The following STK32A variants were observed in gnomAD, a reference collection of about 807,000 sequenced individuals.
The protein encoded by STK32A is serine/threonine-protein kinase 32A.
A neutral mutation model predicts 53.2 loss-of-function variants in STK32A; 41 were observed. That is an observed-to-expected ratio of 0.77 (90% CI 0.60 to 1.00). The LOEUF is 1.00. Ranked by LOEUF, STK32A falls within the 50% of genes least tolerant of loss-of-function variation. The pLI, the probability that STK32A is intolerant of heterozygous loss-of-function variation, is 0.00. For synonymous variants in STK32A, 166 were observed against 162.8 expected (o/e 1.02, Z -0.15); for missense variants, 458 against 485.8 (o/e 0.94, Z 0.54).
At chr5:147,321,777 A>G (rs1434233044) in intron 4 of STK32A, among the ~76,000 whole-genome samples, 2 of 152,352 alleles carry the variant, frequency 1.3e-5, no homozygotes, top group South Asian at 2.1e-4. Context: ...CATAGTCAAC[A>G]GCAGGGAGTG....
chr5:147,307,482 G>A (rs914357808), intron 4 of STK32A, among the ~76,000 whole-genome samples: 1 of 151,850 alleles, frequency 6.6e-6, no homozygotes. Flanking sequence ...TTAGCCGGGT[G>A]TAATGGCACA....
intron 4 of STK32A, among the ~76,000 whole-genome samples, chr5:147,314,517 C>G (rs139991378): frequency 2.4e-4 from 3 of 12,312 alleles, no homozygotes; most frequent in African/African-American, 9.3e-4. Flanking sequence ...CAAAAAAAAA[C>G]AAAAAAAAAC....
chr5:147,309,410 T>A (rs916285038), intron 4 of STK32A, among the ~76,000 whole-genome samples: 2 of 152,214 alleles, frequency 1.3e-5, no homozygotes, highest in African/African-American at 4.8e-5. Flanking sequence ...TAGGATTTTC[T>A]AAGTATCCAT....
At chr5:147,359,629 A>C (rs924000561) in intron 7 of STK32A, among the ~76,000 whole-genome samples, 2 of 152,110 alleles carry the variant, frequency 1.3e-5, no homozygotes, top group Non-Finnish European at 2.9e-5. Context: ...GGACTATCTG[A>C]TATGACTTGT....
chr5:147,257,773 G>A (rs13340343), intron 2 of STK32A, among the ~76,000 whole-genome samples: 3,104 of 152,170 alleles, frequency 0.02, 110 homozygotes, highest in African/African-American at 0.071. Flanking sequence ...TTGGTTTACC[G>A]GAAATTCTAG....
intron 8 of STK32A, among the ~76,000 whole-genome samples, chr5:147,365,380 A>T (rs1275243038): frequency 6.6e-6 from 1 of 152,126 alleles, no homozygotes; most frequent in Non-Finnish European, 1.5e-5. Context: ...ACTATTTCTT[A>T]AGTATATTCA....
At chr5:147,393,814 G>A in the STK32A span, 4 of 562,232 alleles carry the variant, frequency 7.1e-6, no homozygotes, top group Admixed American at 3.1e-5. Flanking sequence ...AATGGGGGGA[G>A]GGGAGTCAAA....
intron 1 of STK32A, 59 bp downstream of exon 1, chr5:147,235,258 G>A (rs906513278): frequency 5.3e-5 from 8 of 152,352 alleles, no homozygotes; most frequent in African/African-American, 1.9e-4. Context: ...TAAGGGTACT[G>A]TTGGGAAGCT....
At chr5:147,246,121 A>C (rs2151940225) in intron 2 of STK32A, among the ~76,000 whole-genome samples, 1 of 152,326 alleles carries the variant, frequency 6.6e-6, no homozygotes, top group East Asian at 1.9e-4. Flanking sequence ...TTTGCATTAG[A>C]ATGGTTGGAA....
intron 4 of STK32A, among the ~76,000 whole-genome samples, chr5:147,288,469 G>C (rs1007336214): frequency 6.6e-6 from 1 of 152,172 alleles, no homozygotes; most frequent in Non-Finnish European, 1.5e-5. Flanking sequence ...CTGAGACTGG[G>C]TAATTTTTAA....
At chr5:147,349,175 A>C (rs1326466434) in intron 6 of STK32A, among the ~76,000 whole-genome samples, 1 of 152,262 alleles carries the variant, frequency 6.6e-6, no homozygotes, top group Non-Finnish European at 1.5e-5. Flanking sequence ...TCCAGCAAGA[A>C]TGAGTGGCTA....
chr5:147,284,703 ACAAC>A (rs1752244502), intron 4 of STK32A, among the ~76,000 whole-genome samples: 14 of 40,076 alleles, frequency 3.5e-4, no homozygotes, highest in South Asian at 9.4e-4. Flanking sequence ...AAACAAAAAA[ACAAC>A]AAAAAAAAAA....
chr5:147,288,945 C>A (rs1752472885), intron 4 of STK32A, among the ~76,000 whole-genome samples: 1 of 152,192 alleles, frequency 6.6e-6, no homozygotes, highest in African/African-American at 2.4e-5. Context: ...CAGTACCCAG[C>A]ACATAGTAAC....
chr5:147,351,057 C>T lies in STK32A; in HGVS notation c.473-8C>T, dbSNP rs766426131. On this transcript the variant is annotated splice_polypyrimidine_tract_variant and splice_region_variant and intron_variant, in intron 6 of 12. Coordinates refer to ENST00000397936, the MANE Select transcript of STK32A (RefSeq NM_001112724.2). ...TTAACTTTCTGTGTGGTTCTTCTCT[C>T]TCTGCAGGGCACGTGCACATCACAG... The T allele has an allele frequency of 1.2e-6, 2 of 1,613,204 alleles. No homozygotes were observed. The highest frequency in any genetic ancestry group is 1.1e-5 in the South Asian group (1 of 90,934).
Position 147,270,099 on chromosome 5 carries a change from A to C in STK32A, c.53-8025A>C, listed in dbSNP as rs558446011. ...CAAAAGCAATTGGTTTTAAATAGAAATACATCATTTTAACAATCTTGAAGT... is the reference window on the plus strand; with the variant it reads ...CAAAAGCAATTGGTTTTAAATAGAACTACATCATTTTAACAATCTTGAAGT... On this transcript the variant is annotated intron_variant, in intron 2 of 12. Coordinates refer to ENST00000397936, the MANE Select transcript of STK32A (RefSeq NM_001112724.2). Among the ~76,000 whole-genome samples the C allele has an allele frequency of 4.6e-5, 7 of 152,344 alleles. 1 individual carries two copies. The highest frequency in any genetic ancestry group is 1.7e-4 in the African/African-American group (7 of 41,584).
At chr5:147,374,249 T>C (rs1757133586) in intron 10 of STK32A, among the ~76,000 whole-genome samples, 1 of 150,400 alleles carries the variant, frequency 6.6e-6, no homozygotes, top group South Asian at 2.1e-4. Context: ...ATTGTGCCAC[T>C]GCACTCTAGC....
At chr5:147,299,043 C>T (rs894081508) in intron 4 of STK32A, among the ~76,000 whole-genome samples, 10 of 151,972 alleles carry the variant, frequency 6.6e-5, no homozygotes, top group East Asian at 1.9e-4. Context: ...TTGGATCTCA[C>T]GCAAGAAAGA....
chr5:147,254,290 C>T (rs559551959), intron 2 of STK32A, among the ~76,000 whole-genome samples: 5 of 152,178 alleles, frequency 3.3e-5, no homozygotes, highest in Non-Finnish European at 7.3e-5. Flanking sequence ...CTTACCAGCT[C>T]TATGAGCTTG....
intron 2 of STK32A, among the ~76,000 whole-genome samples, chr5:147,272,818 T>C (rs1755097625): frequency 6.6e-6 from 1 of 152,226 alleles, no homozygotes; most frequent in Admixed American, 6.5e-5. Flanking sequence ...ATTAGCTCCA[T>C]TTTACAGACA....
Sources: allele counts gnomAD v4.1 joint callset (sites outside exome capture counted in the v4.1 genomes callset), GRCh38; gene constraint gnomAD v4.1.1; transcripts MANE v1.5; gene names NCBI Gene and HGNC (gene_info 2026-07-23, HGNC 2026-07-21).